The following STK33 variants were observed in gnomAD, a reference collection of about 807,000 sequenced individuals.
The protein encoded by STK33 is serine/threonine kinase 33, also known as serine/threonine-protein kinase 33.
Under a neutral mutation model 58.0 loss-of-function variants are expected in STK33, and 52 were observed. That is an observed-to-expected ratio of 0.90 (90% CI 0.72 to 1.13). The LOEUF is 1.13. Among genes scored for constraint, STK33 ranks in the 50% most tolerant of loss-of-function variants. The pLI, the probability that STK33 is intolerant of heterozygous loss-of-function variation, is 0.00. For missense variants in STK33, 630 were observed against 604.2 expected (o/e 1.04, Z -0.45); for synonymous variants, 215 against 200.1 (o/e 1.07, Z -0.63).
chr11:8,550,828 T>C (rs936463484), intron 1 of STK33, among the ~76,000 whole-genome samples: 4 of 152,198 alleles, frequency 2.6e-5, no homozygotes, highest in Admixed American at 2.6e-4. Flanking sequence ...TTTCCTGTCT[T>C]CTTCTGAGCC....
intron 15 of STK33, among the ~76,000 whole-genome samples, chr11:8,400,441 A>C (rs1431785497): frequency 5.3e-5 from 8 of 152,218 alleles, no homozygotes; most frequent in African/African-American, 1.9e-4. Flanking sequence ...AAAAACTCTC[A>C]ATAAATTAGG....
intron 6 of STK33, among the ~76,000 whole-genome samples, chr11:8,470,935 G>T (rs778799798): frequency 1.3e-5 from 2 of 152,176 alleles, no homozygotes; most frequent in Non-Finnish European, 2.9e-5. Flanking sequence ...TTACCAAAAT[G>T]TGACACAAAG....
intron 15 of STK33, among the ~76,000 whole-genome samples, chr11:8,402,176 T>C (rs1346576585): frequency 1.3e-5 from 2 of 152,206 alleles, no homozygotes; most frequent in Non-Finnish European, 2.9e-5. Context: ...CGTATGTTTA[T>C]TGCGGCACTA....
chr11:8,407,478 T>C (rs1339428359), intron 15 of STK33, among the ~76,000 whole-genome samples: 2 of 152,122 alleles, frequency 1.3e-5, no homozygotes, highest in African/African-American at 2.4e-5. Context: ...AGTTTTCTTT[T>C]TAGTAAAGTT....
At chr11:8,386,494 C>A in the STK33 span, among the ~76,000 whole-genome samples, 10 of 152,176 alleles carry the variant, frequency 6.6e-5, no homozygotes, top group South Asian at 1.0e-3. Flanking sequence ...TCCAAAACAG[C>A]AATGAGGATC....
intron 14 of STK33, among the ~76,000 whole-genome samples, chr11:8,433,099 C>T (rs1943606553): frequency 6.6e-6 from 1 of 152,198 alleles, no homozygotes; most frequent in Admixed American, 6.5e-5. Context: ...CAAACCTACT[C>T]AATATAGTTC....
the STK33 span, among the ~76,000 whole-genome samples, chr11:8,347,094 G>C: frequency 1.3e-5 from 2 of 152,160 alleles, no homozygotes; most frequent in African/African-American, 2.4e-5. Context: ...AACATCTTTT[G>C]CATGAATACT....
chr11:8,457,252 T>C, intron 9 of STK33, 89 bp downstream of exon 9: 1 of 1,207,040 alleles, frequency 8.3e-7, no homozygotes, highest in South Asian at 2.9e-5. Context: ...GTGTTATTTA[T>C]ATGACTATGA....
At chr11:8,541,381 T>C (rs1955507895) in intron 1 of STK33, among the ~76,000 whole-genome samples, 1 of 152,168 alleles carries the variant, frequency 6.6e-6, no homozygotes, top group Admixed American at 6.5e-5. Context: ...GATAACTCAG[T>C]AGCTATTGTC....
intron 9 of STK33, among the ~76,000 whole-genome samples, chr11:8,456,713 A>G (rs906041934): frequency 3.3e-5 from 5 of 152,246 alleles, no homozygotes; most frequent in African/African-American, 9.6e-5. Context: ...AGGCAATTAG[A>G]ATAATTTTTA....
chr11:8,381,181 G>A, the STK33 span, among the ~76,000 whole-genome samples: 1 of 152,104 alleles, frequency 6.6e-6, no homozygotes, highest in African/African-American at 2.4e-5. Context: ...CGGGTGATGG[G>A]TGCACTCAAA....
the STK33 span, among the ~76,000 whole-genome samples, chr11:8,381,702 T>A: frequency 6.6e-6 from 1 of 152,164 alleles, no homozygotes; most frequent in Non-Finnish European, 1.5e-5. Flanking sequence ...GGACTACCTC[T>A]CACCCTTTAC....
intron 1 of STK33, chr11:8,580,887 T>A (rs1191667081): frequency 6.6e-6 from 1 of 152,152 alleles, no homozygotes; most frequent in Admixed American, 6.6e-5. Context: ...AACTTAGCAC[T>A]TCATCGTGGG....
the STK33 span, among the ~76,000 whole-genome samples, chr11:8,373,745 G>A: frequency 6.6e-6 from 1 of 152,308 alleles, no homozygotes; most frequent in South Asian, 2.1e-4. Context: ...AGGTTGTGGG[G>A]CGTGGAGTTC....
intron 11 of STK33, among the ~76,000 whole-genome samples, chr11:8,445,097 T>C (rs1945261801): frequency 6.6e-6 from 1 of 152,220 alleles, no homozygotes; most frequent in African/African-American, 2.4e-5. Flanking sequence ...AAGAGGTCCT[T>C]CACATCCCTG....
intron 11 of STK33, among the ~76,000 whole-genome samples, chr11:8,449,179 T>C (rs577318343): frequency 1.3e-5 from 2 of 151,728 alleles, no homozygotes; most frequent in East Asian, 1.9e-4. Context: ...TTTTACACTG[T>C]TGGTGGGACT....
chr11:8,450,878 A>G (rs1212343253), intron 11 of STK33, among the ~76,000 whole-genome samples: 1 of 152,234 alleles, frequency 6.6e-6, no homozygotes, highest in Non-Finnish European at 1.5e-5. Flanking sequence ...GATTATCTCA[A>G]TAGGTACAGA....
chr11:8,592,531 A>C (rs1488812563), intron 1 of STK33, among the ~76,000 whole-genome samples: 1 of 152,236 alleles, frequency 6.6e-6, no homozygotes, highest in Non-Finnish European at 1.5e-5. Flanking sequence ...TCTGAAAAAC[A>C]GTATGGCAAT....
chr11:8,448,853 G>A (rs569353669), intron 11 of STK33, among the ~76,000 whole-genome samples: 15 of 151,930 alleles, frequency 9.9e-5, no homozygotes, highest in South Asian at 6.2e-4. Flanking sequence ...GGCAACCTAC[G>A]GAATGGGAGA....
Sources: allele counts gnomAD v4.1 joint callset (sites outside exome capture counted in the v4.1 genomes callset), GRCh38; gene constraint gnomAD v4.1.1; transcripts MANE v1.5; gene names NCBI Gene and HGNC (gene_info 2026-07-23, HGNC 2026-07-21).